GALNTL6: variants seen among roughly 807,000 people sequenced by gnomAD.
The protein encoded by GALNTL6 is polypeptide N-acetylgalactosaminyltransferase like 6.
A neutral mutation model predicts 73.7 loss-of-function variants in GALNTL6; 46 were observed. The ratio of observed to expected loss-of-function variants is 0.62; its 90% CI spans 0.49 to 0.80. The LOEUF is 0.80. Ranked by LOEUF, GALNTL6 falls within the 30% of genes least tolerant of loss-of-function variation. The pLI, the probability that GALNTL6 is intolerant of heterozygous loss-of-function variation, is 0.00. For missense variants in GALNTL6, 604 were observed against 755.0 expected (o/e 0.80, Z 2.34); for synonymous variants, 259 against 263.7 (o/e 0.98, Z 0.17).
chr4:172,157,821 T>C (rs1190292588), intron 2 of GALNTL6, among the ~76,000 whole-genome samples: 1 of 115,564 alleles, frequency 8.7e-6, no homozygotes, highest in Admixed American at 8.5e-5. Flanking sequence ...AGATTTTAAA[T>C]GTTTTTTATG....
At chr4:172,552,776 A>G (rs1215924444) in intron 5 of GALNTL6, among the ~76,000 whole-genome samples, 1 of 71,946 alleles carries the variant, frequency 1.4e-5, no homozygotes, top group Non-Finnish European at 3.0e-5. Context: ...CTGTAGGGTT[A>G]CTGATAACTA....
At chr4:172,575,991 G>A (rs12512291) in intron 5 of GALNTL6, among the ~76,000 whole-genome samples, 71,992 of 152,066 alleles carry the variant, frequency 0.47, 18,859 homozygotes, top group East Asian at 0.67. Flanking sequence ...GGCATTTGTG[G>A]TCTGTACTTT....
chr4:172,449,985 G>A (rs1032502109), intron 5 of GALNTL6, among the ~76,000 whole-genome samples: 23 of 152,074 alleles, frequency 1.5e-4, no homozygotes, highest in Admixed American at 4.6e-4. Flanking sequence ...TTGGGAGGCC[G>A]AGGGGTTGGA....
chr4:172,062,894 T>C (rs758807748), intron 2 of GALNTL6, among the ~76,000 whole-genome samples: 2 of 152,224 alleles, frequency 1.3e-5, no homozygotes, highest in Non-Finnish European at 2.9e-5. Flanking sequence ...TTCTGCTTCC[T>C]TTGCTACCTG....
chr4:171,927,672 T>C (rs80322229), intron 2 of GALNTL6, among the ~76,000 whole-genome samples: 2,388 of 152,218 alleles, frequency 0.016, 67 homozygotes, highest in African/African-American at 0.055. Flanking sequence ...CACATGGGTC[T>C]TCTTGGTGGG....
intron 5 of GALNTL6, among the ~76,000 whole-genome samples, chr4:172,517,287 A>G (rs338055): frequency 0.99 from 150,006 of 152,190 alleles, 73,960 homozygotes; most frequent in Middle Eastern, 1. Flanking sequence ...GTGGCTCACA[A>G]GAAATAGAGG....
chr4:171,903,509 G>C (rs111737119), intron 2 of GALNTL6, among the ~76,000 whole-genome samples: 3 of 151,426 alleles, frequency 2.0e-5, no homozygotes, highest in Non-Finnish European at 2.9e-5. Context: ...ACGGAGTCTC[G>C]CTGATTGCTA....
At chr4:172,589,160 T>G (rs941247438) in intron 5 of GALNTL6, among the ~76,000 whole-genome samples, 2 of 152,130 alleles carry the variant, frequency 1.3e-5, no homozygotes, top group African/African-American at 4.8e-5. Flanking sequence ...TGCTTTGTAT[T>G]TAGGGATATA....
At chr4:171,896,123 C>G (rs1905931) in intron 2 of GALNTL6, among the ~76,000 whole-genome samples, 1 of 152,098 alleles carries the variant, frequency 6.6e-6, no homozygotes, top group South Asian at 2.1e-4. Flanking sequence ...ATATTTAAAA[C>G]GTAATGGTTG....
chr4:172,554,842 T>C lies in GALNTL6; in HGVS notation c.553+206153T>C, dbSNP rs924206491. The stretch of plus-strand genomic sequence containing the variant: ...TGAAAATCTGAGTGGTTCCCAGGTC[T>C]TGGCTCTTATAAATAATGCCACTAT... On this transcript the variant is annotated intron_variant, in intron 5 of 12. Transcript: ENST00000506823. Among the ~76,000 whole-genome samples, 7 of 152,324 alleles carry C rather than the reference T, an allele frequency of 4.6e-5. No individual in the cohort carries two copies. The East Asian group carries it at 7.7e-4, about 17-fold the overall frequency.
chr4:172,365,521 A>T (rs868584325), intron 5 of GALNTL6, among the ~76,000 whole-genome samples: 1 of 152,088 alleles, frequency 6.6e-6, no homozygotes, highest in Non-Finnish European at 1.5e-5. Context: ...AATAATTAAT[A>T]TTTGCTAAAG....
intron 4 of GALNTL6, among the ~76,000 whole-genome samples, chr4:172,315,287 G>C (rs1475135849): frequency 6.6e-6 from 1 of 151,972 alleles, no homozygotes; most frequent in Non-Finnish European, 1.5e-5. Context: ...TTTTGAGATG[G>C]AGTTTCACTC....
At chr4:171,970,724 T>G (rs1739543318) in intron 2 of GALNTL6, among the ~76,000 whole-genome samples, 1 of 152,188 alleles carries the variant, frequency 6.6e-6, no homozygotes, top group African/African-American at 2.4e-5. Context: ...CCAGTCAGAA[T>G]TCTAGAAATG....
intron 7 of GALNTL6, among the ~76,000 whole-genome samples, chr4:172,877,292 G>A (rs17318953): frequency 0.091 from 13,793 of 152,046 alleles, 839 homozygotes; most frequent in Non-Finnish European, 0.14. Context: ...ATAAGCCAGA[G>A]AAATTTTTAA....
At chr4:171,969,071 G>A (rs1843504) in intron 2 of GALNTL6, among the ~76,000 whole-genome samples, 65,292 of 151,832 alleles carry the variant, frequency 0.43, 16,813 homozygotes, top group Non-Finnish European at 0.57. Flanking sequence ...TCCTGACCTC[G>A]TGATCTGCCT....
intron 7 of GALNTL6, among the ~76,000 whole-genome samples, chr4:172,855,401 ACT>A (rs1436783605): frequency 6.6e-6 from 1 of 152,148 alleles, no homozygotes; most frequent in Non-Finnish European, 1.5e-5. Flanking sequence ...TCATGATGAA[ACT>A]CAATTAATTT....
At chr4:171,823,622 G>T (rs1465836138) in intron 2 of GALNTL6, among the ~76,000 whole-genome samples, 1 of 150,820 alleles carries the variant, frequency 6.6e-6, no homozygotes, top group Admixed American at 6.6e-5. Flanking sequence ...GTCTTAGCTA[G>T]AAAGATGATA....
chr4:172,464,400 A>G (rs1370811195), intron 5 of GALNTL6, among the ~76,000 whole-genome samples: 2 of 152,062 alleles, frequency 1.3e-5, no homozygotes, highest in African/African-American at 4.8e-5. Flanking sequence ...AGAAATTTTA[A>G]TATGGTCATA....
chr4:172,415,566 C>T (rs1347722488), intron 5 of GALNTL6, among the ~76,000 whole-genome samples: 1 of 152,134 alleles, frequency 6.6e-6, no homozygotes, highest in African/African-American at 2.4e-5. Flanking sequence ...ACTGAATATT[C>T]TGTGAGTACT....
Sources: gnomAD v4.1 joint callset for allele counts (sites outside exome capture counted in the v4.1 genomes callset) on GRCh38, gnomAD v4.1.1 for gene constraint, MANE v1.5 for transcripts, NCBI Gene and HGNC (gene_info 2026-07-23, HGNC 2026-07-21) for gene names.